STAB2: variants seen among roughly 807,000 people sequenced by gnomAD.
STAB2 encodes stabilin-2.
Under a neutral mutation model 338.1 loss-of-function variants are expected in STAB2, and 288 were observed. That is an observed-to-expected ratio of 0.85 (90% CI 0.77 to 0.94). The LOEUF (loss-of-function observed/expected upper bound fraction) is 0.94, where lower values mean the gene tolerates loss of function less well. STAB2 is among the 40% of genes least tolerant of loss of function. The pLI is 0.00. For missense variants in STAB2, 3,141 were observed against 3,210.1 expected, an observed-to-expected ratio of 0.98 and a Z score of 0.52; for synonymous variants, 1,202 against 1,193.3, an observed-to-expected ratio of 1.01 and a Z score of -0.15.
chr12:103,675,556 C>A (rs1009782057), intron 23 of STAB2, among the ~76,000 whole-genome samples: 3 of 152,236 alleles, frequency 2.0e-5, no homozygotes, highest in Non-Finnish European at 4.4e-5. Context: ...AGAGCAGAGA[C>A]ACTGTCAGGT....
At chr12:103,747,507 A>C (rs142655080) in intron 58 of STAB2, among the ~76,000 whole-genome samples, 88 of 152,278 alleles carry the variant, frequency 5.8e-4, no homozygotes, top group African/African-American at 2.0e-3. Flanking sequence ...CCTGGACAGC[A>C]AGATGGAAGG....
chr12:103,709,436 C>T (rs1303495351), intron 39 of STAB2, among the ~76,000 whole-genome samples: 2 of 152,166 alleles, frequency 1.3e-5, no homozygotes, highest in African/African-American at 4.8e-5. Flanking sequence ...GCAATATGAT[C>T]GTATTTGGCA....
chr12:103,705,573 C>A (rs144524978), intron 36 of STAB2, 59 bp from the exon 37 acceptor site: 62 of 1,483,790 alleles, frequency 4.2e-5, no homozygotes, highest in Middle Eastern at 3.4e-4. Flanking sequence ...TACTTGCTTT[C>A]GGAGACTGGA....
At chr12:103,680,373 A>G (rs12314920) in intron 25 of STAB2, among the ~76,000 whole-genome samples, 55,321 of 152,158 alleles carry the variant, frequency 0.36, 10,427 homozygotes, top group Non-Finnish European at 0.41. Flanking sequence ...CATGACTCTA[A>G]AGGCCATATA....
At chr12:103,688,619 A>C (rs11111713) in intron 28 of STAB2, among the ~76,000 whole-genome samples, 22,769 of 152,106 alleles carry the variant, frequency 0.15, 1,924 homozygotes, top group East Asian at 0.28. Flanking sequence ...TGCCAAGCCC[A>C]GCCAGCCATT....
chr12:103,720,387 T>C (rs948909723), intron 44 of STAB2, among the ~76,000 whole-genome samples: 2 of 152,166 alleles, frequency 1.3e-5, no homozygotes, highest in African/African-American at 2.4e-5. Context: ...CAGGGAATAA[T>C]ATCAACAGGA....
chr12:103,679,230 T>C (rs1316928994), intron 25 of STAB2, among the ~76,000 whole-genome samples: 3 of 152,016 alleles, frequency 2.0e-5, no homozygotes, highest in Admixed American at 6.6e-5. Flanking sequence ...TAGTCGGGCA[T>C]TGTGGTGCAT....
intron 3 of STAB2, among the ~76,000 whole-genome samples, chr12:103,599,906 A>G (rs139706625): frequency 6.6e-6 from 1 of 152,266 alleles, no homozygotes; most frequent in African/African-American, 2.4e-5. Context: ...ACTTGATTTT[A>G]TATTCTAAAG....
intron 3 of STAB2, among the ~76,000 whole-genome samples, chr12:103,615,907 G>C (rs703608): frequency 0.92 from 139,963 of 152,234 alleles, 64,612 homozygotes; most frequent in East Asian, 1. Context: ...TACCTCCACA[G>C]GGTCTAGCCC....
Position 103,728,707 on chromosome 12 carries a change from A to C in STAB2, c.4936-142A>C, listed in dbSNP as rs1411806641. 4 of 1,050,326 alleles carry C rather than the reference A, an allele frequency of 3.8e-6. No homozygotes were observed. In the East Asian group the frequency reaches 9.5e-5, roughly 25 times the overall value. The allele number at this position is 1,050,326 out of a possible 1,614,324, so 65.1% of individuals were successfully genotyped here. A position where few individuals can be genotyped will look rare whatever the true frequency, so the allele number is the denominator to read the frequency against. ...TTTGTCTGAACAGCCTCCACTCTAT[A>C]ATCCTGACCACAAAGCTTACTTCCC... On this transcript the variant is annotated intron_variant, in intron 47 of 68. Coordinates refer to ENST00000388887, the MANE Select transcript of STAB2 (RefSeq NM_017564.10).
intron 3 of STAB2, among the ~76,000 whole-genome samples, chr12:103,603,041 A>C (rs1040328131): frequency 5.3e-5 from 8 of 152,034 alleles, no homozygotes; most frequent in Non-Finnish European, 8.8e-5. Flanking sequence ...TCTATCATCC[A>C]TTCCAAGTTA....
intron 47 of STAB2, among the ~76,000 whole-genome samples, chr12:103,727,954 C>T (rs1881340800): frequency 6.6e-6 from 1 of 152,084 alleles, no homozygotes; most frequent in Non-Finnish European, 1.5e-5. Context: ...GAGCAAAGAC[C>T]CAAACCTGGG....
At chr12:103,648,880 C>T in intron 10 of STAB2, 57 bp downstream of exon 10, 2 of 1,588,422 alleles carry the variant, frequency 1.3e-6, no homozygotes, top group South Asian at 1.2e-5. Flanking sequence ...GAAAGGGCAT[C>T]TGCAAGATAC....
At chr12:103,746,064 A>C (rs1883006593) in intron 57 of STAB2, among the ~76,000 whole-genome samples, 1 of 152,162 alleles carries the variant, frequency 6.6e-6, no homozygotes, top group South Asian at 2.1e-4. Flanking sequence ...CATGGGTTGC[A>C]GCAGTATGGC....
At chr12:103,598,608 T>A (rs754227864) in intron 3 of STAB2, among the ~76,000 whole-genome samples, 12 of 152,202 alleles carry the variant, frequency 7.9e-5, no homozygotes, top group Non-Finnish European at 1.6e-4. Context: ...TGATAGAAGA[T>A]GATATGAAAA....
intron 67 of STAB2, among the ~76,000 whole-genome samples, chr12:103,762,608 G>T (rs921922931): frequency 3.9e-5 from 6 of 152,182 alleles, no homozygotes; most frequent in Non-Finnish European, 7.4e-5. Flanking sequence ...GTGGTTCCAA[G>T]CCCCTCCTTC....
chr12:103,733,102 C>A lies in STAB2; in HGVS notation c.5380C>A (p.Gln1794Lys). 6.2e-7 allele frequency: 1 copy of A among 1,614,160 alleles called. No homozygotes were observed. Residue 1794 changes from glutamine (Q) to lysine (K), a missense_variant, in exon 51 of 69, where the codon CAA (glutamine) becomes AAA (lysine). Gln to Lys is a moderately conservative substitution (Grantham distance 53). Coordinates refer to ENST00000388887, the MANE Select transcript of STAB2 (RefSeq NM_017564.10). Reference protein sequence around the residue: ...DQALHALPAEQQDFLFNQDNK... With the variant: ...DQALHALPAEKQDFLFNQDNK... Reference sequence around the variant, plus strand: ...AGCCCTCCATGCCCTACCTGCTGAACAACAGGACTTCCTGTTCAACCAAGA... The same window carrying A: ...AGCCCTCCATGCCCTACCTGCTGAAAAACAGGACTTCCTGTTCAACCAAGA...
At chr12:103,635,445 C>T (rs184431111) in intron 6 of STAB2, among the ~76,000 whole-genome samples, 27 of 152,338 alleles carry the variant, frequency 1.8e-4, no homozygotes, top group Non-Finnish European at 4.4e-5. Context: ...TTTCTTAGCC[C>T]CACATGGTTT....
rs1419178455 is a variant in STAB2 at position 103,656,702 on chromosome 12, C to T, written c.1734+1121C>T. On this transcript the variant is annotated intron_variant, in intron 15 of 68. Transcript: ENST00000388887. ...ATTTTTTTTTTTTTTTTTTTTGAGA[C>T]GGAGTCTCGCTCTGTCGCCCAGGCC... Among the ~76,000 whole-genome samples, 7 of 122,470 alleles carry T rather than the reference C, an allele frequency of 5.7e-5. No homozygotes were observed. The East Asian group carries it at 1.4e-3, about 25-fold the overall frequency. The allele number at this position is 122,470 out of a possible 152,430, so 80.3% of individuals were successfully genotyped here. A position where few individuals can be genotyped will look rare whatever the true frequency, so the allele number is the denominator to read the frequency against.
Sources: gnomAD v4.1 joint callset for allele counts (sites outside exome capture counted in the v4.1 genomes callset) on GRCh38, gnomAD v4.1.1 for gene constraint, MANE v1.5 for transcripts, NCBI Gene and HGNC (gene_info 2026-07-23, HGNC 2026-07-21) for gene names.